The following PIEZO1 variants were observed in gnomAD, a reference collection of about 807,000 sequenced individuals.
PIEZO1 encodes the protein piezo-type mechanosensitive ion channel component 1.
Under a neutral mutation model 297.2 loss-of-function variants are expected in PIEZO1, and 296 were observed. The ratio of observed to expected loss-of-function variants is 1.00; its 90% CI spans 0.91 to 1.10. The LOEUF (loss-of-function observed/expected upper bound fraction) is 1.10, where lower values mean the gene tolerates loss of function less well. PIEZO1 is among the 50% of genes least tolerant of loss of function. The probability of loss-of-function intolerance (pLI) is 0.00; values close to 1 mark genes in which losing one functional copy is unlikely to be tolerated. For synonymous variants in PIEZO1, 2,427 were observed against 1,507.5 expected (o/e 1.61, Z -14.13); for missense variants, 5,018 against 3,455.5 (o/e 1.45, Z -11.34).
At chr16:88,780,005 G>T (rs1341510506) in intron 1 of PIEZO1, among the ~76,000 whole-genome samples, 1 of 152,200 alleles carries the variant, frequency 6.6e-6, no homozygotes, top group African/African-American at 2.4e-5. Context: ...CTTTTACGGT[G>T]TCACTTACAG....
At chr16:88,768,436 G>C (rs894995921) in intron 1 of PIEZO1, among the ~76,000 whole-genome samples, 1 of 152,202 alleles carries the variant, frequency 6.6e-6, no homozygotes, top group South Asian at 2.1e-4. Context: ...AAACCTATGC[G>C]CGTGCTCAGT....
chr16:88,725,924 CAGGGA>C (rs1459507430), intron 27 of PIEZO1: 1 of 572,578 alleles, frequency 1.7e-6, no homozygotes, highest in Non-Finnish European at 3.1e-6. Flanking sequence ...ACCACAGCTG[CAGGGA>C]AGAAGGCAAA....
At chr16:88,749,826 A>G (rs1001261961) in intron 1 of PIEZO1, among the ~76,000 whole-genome samples, 4 of 152,160 alleles carry the variant, frequency 2.6e-5, no homozygotes, top group Admixed American at 1.3e-4. Flanking sequence ...TCAGGAGTTC[A>G]AGACCAGCCT....
At position 88,720,545 on chromosome 16, in the gene PIEZO1, G is replaced by A. The variant is rs1254804107; in HGVS notation, c.5802-13C>T. On this transcript the variant is annotated splice_polypyrimidine_tract_variant and intron_variant, in intron 40 of 50. Transcript: ENST00000301015. ...TGTGCCCTGGGCCCTGCGGAAGGGG[G>A]CGCTCAGCCTGGGCCCAGTACCCGC... is the stretch of plus-strand genomic sequence containing the variant. 1.6e-5 allele frequency: 25 copies of A among 1,549,196 alleles called. No individual in the cohort carries two copies. The highest frequency in any genetic ancestry group is 1.1e-4 in the South Asian group (9 of 84,048).
chr16:88,725,559 G>A (rs1317464340), intron 28 of PIEZO1, 36 bp downstream of exon 28: 12 of 1,533,342 alleles, frequency 7.8e-6, no homozygotes, highest in East Asian at 4.9e-5. Flanking sequence ...GCATTGGGGG[G>A]AGGAGCCGGG....
chr16:88,770,786 C>T (rs777779627), intron 1 of PIEZO1, among the ~76,000 whole-genome samples: 8 of 152,264 alleles, frequency 5.3e-5, no homozygotes, highest in Non-Finnish European at 7.3e-5. Context: ...GCGTCCTCCA[C>T]TGGGCCCCGC....
Position 88,722,079 on chromosome 16 carries a change from C to T in PIEZO1, c.4956-13G>A. The T allele has an allele frequency of 6.5e-7, 1 of 1,541,036 alleles. No individual in the cohort carries two copies. Among genetic ancestry groups the T allele is most frequent in the Non-Finnish European group, 8.8e-7 (1 of 1,142,836 alleles). Reference sequence around the variant, plus strand: ...GATGCGCAGGCGCCTACAGGGAGACCCGCGTGTTTGGGGGAGTCTGGGACT... The same window carrying T: ...GATGCGCAGGCGCCTACAGGGAGACTCGCGTGTTTGGGGGAGTCTGGGACT... On this transcript the variant is annotated splice_polypyrimidine_tract_variant and intron_variant, in intron 36 of 50. Transcript: ENST00000301015.
rs1318655135 is a variant in PIEZO1, at chr16:88,735,076, G to A, written c.1670-23C>T. On this transcript the variant is annotated intron_variant, in intron 13 of 50. Transcript: ENST00000301015. ...GCTCTGTGGGCCAAGCCAGGGGCAG[G>A]CGATGGCATCAGGGCGGGCAGGCAG... 4 of 1,549,998 alleles carry A rather than the reference G, an allele frequency of 2.6e-6. No individual in the cohort carries two copies. The African/African-American group carries it at 4.1e-5, about 16-fold the overall frequency.
At chr16:88,778,430 A>T (rs907012899) in intron 1 of PIEZO1, among the ~76,000 whole-genome samples, 2 of 152,048 alleles carry the variant, frequency 1.3e-5, no homozygotes, top group African/African-American at 2.4e-5. Context: ...CGGCAGCCAA[A>T]CCCTGCCGGC....
Position 88,723,091 on chromosome 16 carries a change from G to GTACCTGCC in PIEZO1, c.4491_4495+3dup. 6.5e-7 allele frequency: 1 copy of GTACCTGCC among 1,547,392 alleles called. No individual in the cohort carries two copies. Among genetic ancestry groups the GTACCTGCC allele is most frequent in the Non-Finnish European group, 8.7e-7 (1 of 1,146,578 alleles). The stretch of plus-strand genomic sequence containing the variant: ...TCCCACTCCCCAGCCCCGGGCCCAC[G>GTACCTGCC]TACCTGCCGCTGCCTCCTCGGGGCC... On this transcript the variant is annotated splice_donor_region_variant and intron_variant, in intron 33 of 50. Transcript: ENST00000301015.
At chr16:88,748,493 C>A (rs201165772) in intron 2 of PIEZO1, among the ~76,000 whole-genome samples, 83 of 126,970 alleles carry the variant, frequency 6.5e-4, no homozygotes, top group South Asian at 2.6e-3. Flanking sequence ...TCAGCTCCCC[C>A]CCCCCCCCGC....
chr16:88,776,227 G>T (rs1268054521), intron 1 of PIEZO1, among the ~76,000 whole-genome samples: 1 of 152,230 alleles, frequency 6.6e-6, no homozygotes, highest in Non-Finnish European at 1.5e-5. Flanking sequence ...GAGGTCAGGA[G>T]ATTGAGACCA....
intron 1 of PIEZO1, among the ~76,000 whole-genome samples, chr16:88,754,043 G>A (rs1370618994): frequency 2.0e-5 from 3 of 152,224 alleles, no homozygotes; most frequent in African/African-American, 7.2e-5. Flanking sequence ...CTTTTCCTGA[G>A]TCAGCTGCAA....
intron 15 of PIEZO1, 53 bp downstream of exon 15, chr16:88,734,597 G>C (rs1015932479): frequency 1.9e-6 from 3 of 1,548,258 alleles, no homozygotes; most frequent in Non-Finnish European, 2.6e-6. Flanking sequence ...GCAGCCCCGG[G>C]GAAGTGCACG....
At position 88,738,601 on chromosome 16, in the gene PIEZO1, G is replaced by C; in HGVS notation, c.601C>G (p.Arg201Gly). ...TAHWLLVAAG[R>G]VLAVTLLALA... ...GCAAGCAGTGTTACGGCCAGGACCC[G>C]CCCAGCCGCCACCAGCAGCCAGTGG... The change falls in exon 6 of 51, where the codon CGG becomes GGG. Residue 201 changes from arginine to glycine, a missense_variant. Physicochemically the swap from Arg to Gly is moderately radical, Grantham distance 125. Transcript: ENST00000301015. 6.5e-7 allele frequency: 1 copy of C among 1,535,570 alleles called. No homozygotes were observed. Among genetic ancestry groups the C allele is most frequent in the Non-Finnish European group, 8.7e-7 (1 of 1,146,702 alleles).
In PIEZO1 at chr16:88,720,470, C is replaced by T. The variant is rs960916611; in HGVS notation, c.5864G>A (p.Arg1955His). The T allele has an allele frequency of 9.0e-6, 14 of 1,550,436 alleles. No individual in the cohort carries two copies. The highest frequency in any genetic ancestry group is 4.8e-5 in the South Asian group (4 of 84,064). Residue 1955 changes from arginine (R) to histidine (H), a missense_variant, in exon 41 of 51, where the codon CGC (arginine) becomes CAC (histidine). Coordinates refer to ENST00000301015, the MANE Select transcript of PIEZO1 (RefSeq NM_001142864.4). ...GAGGGCATAGACGTCGGTGGCTGCG[C>T]GGTACTTGGTGTGCAGGATGTCGTG... ...FFHDILHTKY[R>H]AATDVYALMF...
rs779629452 is a variant in PIEZO1 at position 88,722,716 on chromosome 16, G to A, written c.4669-27C>T. 39 of 1,531,872 alleles carry A rather than the reference G, an allele frequency of 2.5e-5. No individual in the cohort carries two copies. In the African/African-American group the frequency reaches 3.8e-4, roughly 15 times the overall value. The allele number at this position is 1,531,872 out of a possible 1,614,324, so 94.9% of individuals were successfully genotyped here. On this transcript the variant is annotated intron_variant, in intron 34 of 50. Transcript: ENST00000301015. ...TGCAGGGCACAGCAGGGGGCTCAGG[G>A]CTGCGTCCAGCTCTTGTCCCCACAC...
chr16:88,772,136 G>A (rs1276456772), intron 1 of PIEZO1, among the ~76,000 whole-genome samples: 5 of 152,246 alleles, frequency 3.3e-5, no homozygotes, highest in African/African-American at 1.2e-4. Flanking sequence ...CTGTCCACCT[G>A]CGGCCCCAGG....
rs934761180 is a variant in PIEZO1 at position 88,721,170 on chromosome 16, G to A, written c.5664C>T (p.Ala1888=). 6.7e-7 allele frequency: 1 copy of A among 1,502,552 alleles called. No individual in the cohort carries two copies. The highest frequency in any genetic ancestry group is 1.4e-5 in the African/African-American group (1 of 71,760). 93.1% of individuals were successfully genotyped at this position (1,502,552 alleles called of 1,614,324 possible). ...TGTGAGGCAGGGCGCTTATACCGAT[G>A]GCTGCCGCTCCTTTCCGTGCTGGGC... is the stretch of plus-strand genomic sequence containing the variant. ...KEGPARKGAA[A]IEAEDREEEE... is the part of the protein sequence containing the mutation. Residue 1888 remains alanine (A), a synonymous_variant, in exon 39 of 51, where the codon GCC becomes GCT. Transcript: ENST00000301015.
Sources: gnomAD v4.1 joint callset for allele counts (sites outside exome capture counted in the v4.1 genomes callset) on GRCh38, gnomAD v4.1.1 for gene constraint, MANE v1.5 for transcripts, NCBI Gene and HGNC (gene_info 2026-07-23, HGNC 2026-07-21) for gene names.